SLC25A27: variants seen among roughly 807,000 people sequenced by gnomAD.
SLC25A27 encodes the protein solute carrier family 25 member 27, also known as mitochondrial uncoupling protein 4.
A neutral mutation model predicts 49.1 loss-of-function variants in SLC25A27; 35 were observed. That is an observed-to-expected ratio of 0.71 (90% confidence interval 0.54 to 0.95). The LOEUF is 0.95. Ranked by LOEUF, SLC25A27 falls within the 40% of genes least tolerant of loss-of-function variation. The pLI is 0.00. For synonymous variants in SLC25A27, 144 were observed against 136.9 expected, an observed-to-expected ratio of 1.05 and a Z score of -0.36; for missense variants, 339 against 397.1, an observed-to-expected ratio of 0.85 and a Z score of 1.24.
At position 46,676,627 on chromosome 6, in the gene SLC25A27, C is replaced by T; in HGVS notation, c.*173C>T. 1 of 1,551,420 alleles carries T rather than the reference C, an allele frequency of 6.4e-7. No individual in the cohort carries two copies. On this transcript the variant is annotated 3_prime_UTR_variant, in exon 9 of 9. Coordinates refer to ENST00000371347, the MANE Select transcript of SLC25A27 (RefSeq NM_004277.5). ...TTCTGGAAACCCAAGTTCTCTTTGA[C>T]TCCTCTTTTTGTCCAAAAGTGATCT...
chr6:46,676,660 T>A lies in SLC25A27; in HGVS notation c.*206T>A, dbSNP rs1310367798. 3.2e-6 allele frequency: 5 copies of A among 1,550,860 alleles called. No homozygotes were observed. In the South Asian group the frequency reaches 4.8e-5, roughly 15 times the overall value. The stretch of plus-strand genomic sequence containing the variant: ...TTTGTCCAAAAGTGATCTGGTCGGA[T>A]CTCACAAGGCCATCCAATGAGACCC... On this transcript the variant is annotated 3_prime_UTR_variant, in exon 9 of 9. Coordinates refer to ENST00000371347, the MANE Select transcript of SLC25A27 (RefSeq NM_004277.5).
Position 46,676,711 on chromosome 6 carries a change from C to G in SLC25A27, c.*257C>G, listed in dbSNP as rs769764310. On this transcript the variant is annotated 3_prime_UTR_variant, in exon 9 of 9. Transcript: ENST00000371347. Reference sequence around the variant, plus strand: ...CGCACAGCATTTTCTAAAGAAGAATCGAAGCCTGACCACTTTCACCTTGGG... The same window carrying G: ...CGCACAGCATTTTCTAAAGAAGAATGGAAGCCTGACCACTTTCACCTTGGG... 86 of 1,545,948 alleles carry G rather than the reference C, an allele frequency of 5.6e-5. No homozygotes were observed. Among genetic ancestry groups the G allele is most frequent in the Non-Finnish European group, 7.2e-5 (82 of 1,142,950 alleles).
Position 46,653,250 on chromosome 6 carries a change from G to A in SLC25A27, c.58G>A (p.Ala20Thr). 1 of 1,613,698 alleles carries A rather than the reference G, an allele frequency of 6.2e-7. No individual in the cohort carries two copies. The highest frequency in any genetic ancestry group is 1.1e-5 in the South Asian group (1 of 91,064). The change falls in exon 1 of 9, where the codon GCG (alanine) becomes ACG (threonine). Residue 20 changes from alanine (A) to threonine (T), a missense_variant. Ala to Thr is a moderately conservative substitution (Grantham distance 58). Coordinates refer to ENST00000371347, the MANE Select transcript of SLC25A27 (RefSeq NM_004277.5). ...LLPLTQRWPR[A>T]SKFLLSGCAA... is the part of the protein sequence containing the mutation. Reference sequence around the variant, plus strand: ...GCCGCTGACCCAGAGATGGCCCCGAGCGAGCAAATTCCTACTGTCCGGCTG... The same window carrying A: ...GCCGCTGACCCAGAGATGGCCCCGAACGAGCAAATTCCTACTGTCCGGCTG...
chr6:46,661,794 AACAGTGCCTG>A (rs1165426079), intron 3 of SLC25A27, among the ~76,000 whole-genome samples: 1 of 152,228 alleles, frequency 6.6e-6, no homozygotes, highest in Non-Finnish European at 1.5e-5. Context: ...AAATGCTCAG[AACAGTGCCTG>A]ACATGAGCAT....
rs774354972 is a variant in SLC25A27 at position 46,677,182 on chromosome 6, C to G, written c.*728C>G. 3.2e-5 allele frequency: 5 copies of G among 154,806 alleles called. No homozygotes were observed. Among genetic ancestry groups the G allele is most frequent in the South Asian group, 4.0e-4 (2 of 4,946 alleles). The allele number at this position is 154,806 out of a possible 1,614,324, so 9.6% of individuals were successfully genotyped here. ...ATGACTTCCTCTGACAGCCACACAC[C>G]GAATCTTGATGAAAAAAGAGAAGAG... On this transcript the variant is annotated 3_prime_UTR_variant, in exon 9 of 9. Transcript: ENST00000371347.
rs1233662100 is a variant in SLC25A27, at chr6:46,678,029, AT to A, written c.*1577del. 2 of 43,520 alleles carry A rather than the reference AT, an allele frequency of 4.6e-5. No homozygotes were observed. Among genetic ancestry groups the A allele is most frequent in the Admixed American group, 2.5e-4 (1 of 4,054 alleles). 2.7% of individuals were successfully genotyped at this position (43,520 alleles called of 1,614,324 possible). A position where few individuals can be genotyped will look rare whatever the true frequency, so the allele number is the denominator to read the frequency against. ...TCAATATGTAATTGCGTTGTAAAAT[AT>A]TATATATATATATATATATATATAT... On this transcript the variant is annotated 3_prime_UTR_variant, in exon 9 of 9. Transcript: ENST00000371347.
chr6:46,654,170 C>A (rs1762883830), intron 1 of SLC25A27: 4 of 972,938 alleles, frequency 4.1e-6, no homozygotes, highest in Non-Finnish European at 2.4e-6. Context: ...TCCTGTGAAG[C>A]CTTAACTGTG....
chr6:46,659,203 A>T (rs1365919380), intron 3 of SLC25A27, among the ~76,000 whole-genome samples, 157 bp downstream of exon 3: 1 of 152,230 alleles, frequency 6.6e-6, no homozygotes, highest in Non-Finnish European at 1.5e-5. Context: ...TTTACTGCAG[A>T]TGTATACAGA....
intron 4 of SLC25A27, among the ~76,000 whole-genome samples, chr6:46,663,545 G>T (rs1409093388): frequency 1.3e-5 from 2 of 152,166 alleles, no homozygotes; most frequent in South Asian, 2.1e-4. Context: ...AAATAACAGG[G>T]AGAAGTCACA....
intron 2 of SLC25A27, chr6:46,658,519 G>C (rs1280199905): frequency 1.8e-5 from 8 of 449,968 alleles, no homozygotes; most frequent in African/African-American, 1.4e-4. Context: ...AATGCCTGCT[G>C]CGTACCAAGG....
In SLC25A27 at chr6:46,653,105, G is replaced by C. The variant is rs776843987; in HGVS notation, c.-88G>C. ...CACCCGGCCACTCGCCGGTTGAAAA[G>C]GGGCCGCCCTGGCAGGGAAGCGGCC... On this transcript the variant is annotated 5_prime_UTR_variant, in exon 1 of 9. Coordinates refer to ENST00000371347, the MANE Select transcript of SLC25A27 (RefSeq NM_004277.5). The C allele has an allele frequency of 2.4e-5, 32 of 1,310,232 alleles. No individual in the cohort carries two copies. Among genetic ancestry groups the C allele is most frequent in the Non-Finnish European group, 3.5e-5 (32 of 927,494 alleles). The allele number at this position is 1,310,232 out of a possible 1,614,324, so 81.2% of individuals were successfully genotyped here. A position where few individuals can be genotyped will look rare whatever the true frequency, so the allele number is the denominator to read the frequency against.
At chr6:46,657,332 G>T (rs1284417100) in intron 2 of SLC25A27, among the ~76,000 whole-genome samples, 1 of 151,970 alleles carries the variant, frequency 6.6e-6, no homozygotes, top group African/African-American at 2.4e-5. Flanking sequence ...GCCTAGTGGC[G>T]CATTCCTGTA....
intron 1 of SLC25A27, among the ~76,000 whole-genome samples, chr6:46,654,832 A>G (rs1762919707): frequency 6.6e-6 from 1 of 152,182 alleles, no homozygotes; most frequent in South Asian, 2.1e-4. Context: ...AAGATTTAAT[A>G]TTCACTTCCC....
chr6:46,673,764 T>G (rs906116526), intron 8 of SLC25A27, among the ~76,000 whole-genome samples: 2 of 152,152 alleles, frequency 1.3e-5, no homozygotes, highest in Non-Finnish European at 2.9e-5. Context: ...GTAGTTTAGA[T>G]GAACTCTATG....
Position 46,677,959 on chromosome 6 carries a change from T to A in SLC25A27, c.*1505T>A. On this transcript the variant is annotated 3_prime_UTR_variant, in exon 9 of 9. Coordinates refer to ENST00000371347, the MANE Select transcript of SLC25A27 (RefSeq NM_004277.5). ...TTCTAGTTGCAGAGAATGTGAAGTT[T>A]AATCTCTTAAAATATTTAGATGGTC... is the stretch of plus-strand genomic sequence containing the variant. 1 of 150,316 alleles carries A rather than the reference T, an allele frequency of 6.7e-6. No individual in the cohort carries two copies. Among genetic ancestry groups the A allele is most frequent in the Admixed American group, 6.7e-5 (1 of 14,924 alleles). 9.3% of individuals were successfully genotyped at this position (150,316 alleles called of 1,614,324 possible). A position where few individuals can be genotyped will look rare whatever the true frequency, so the allele number is the denominator to read the frequency against.
chr6:46,677,865 T>A lies in SLC25A27; in HGVS notation c.*1411T>A, dbSNP rs1370991495. On this transcript the variant is annotated 3_prime_UTR_variant, in exon 9 of 9. Transcript: ENST00000371347. ...GCACTAATGTATACTCACTGCCATT[T>A]TAAGAGGGGGAAGTACATTTTAAAA... The A allele has an allele frequency of 6.6e-6, 1 of 152,472 alleles. No individual in the cohort carries two copies. The highest frequency in any genetic ancestry group is 6.5e-5 in the Admixed American group (1 of 15,272). The allele number at this position is 152,472 out of a possible 1,614,324, so 9.4% of individuals were successfully genotyped here.
chr6:46,654,151 T>C (rs1019625084), intron 1 of SLC25A27: 3 of 983,618 alleles, frequency 3.0e-6, no homozygotes, highest in African/African-American at 3.5e-5. Flanking sequence ...AGTAGTATAC[T>C]CATGTGTTTC....
At chr6:46,664,587 C>T (rs1000245782) in intron 4 of SLC25A27, among the ~76,000 whole-genome samples, 187 bp from the exon 5 acceptor site, 1 of 151,984 alleles carries the variant, frequency 6.6e-6, no homozygotes, top group Non-Finnish European at 1.5e-5. Context: ...GGCCTTTTTT[C>T]TAAAGGATTA....
chr6:46,668,072 C>T (rs1207470582), intron 5 of SLC25A27, among the ~76,000 whole-genome samples: 7 of 152,164 alleles, frequency 4.6e-5, no homozygotes, highest in South Asian at 2.1e-4. Context: ...GGGCCAGGCG[C>T]GGCGGCTCAT....
Sources: gnomAD v4.1 joint callset for allele counts (sites outside exome capture counted in the v4.1 genomes callset) on GRCh38, gnomAD v4.1.1 for gene constraint, MANE v1.5 for transcripts, NCBI Gene and HGNC (gene_info 2026-07-23, HGNC 2026-07-21) for gene names.